The following KCNIP4 variants were observed in gnomAD, a reference collection of about 807,000 sequenced individuals.
KCNIP4 encodes Kv channel-interacting protein 4.
In KCNIP4, 12 loss-of-function variants were observed where a neutral mutation model predicts 34.0. The observed-to-expected ratio is 0.35, with a 90% CI of 0.23 to 0.57. KCNIP4 has a LOEUF of 0.57. KCNIP4 is among the 20% of genes least tolerant of loss of function. The pLI, the probability that KCNIP4 is intolerant of heterozygous loss-of-function variation, is 0.83. For synonymous variants in KCNIP4, 124 were observed against 102.2 expected, an observed-to-expected ratio of 1.21 and a Z score of -1.29; for missense variants, 238 against 311.7, an observed-to-expected ratio of 0.76 and a Z score of 1.78.
At chr4:21,073,025 G>A (rs997779577) in intron 1 of KCNIP4, among the ~76,000 whole-genome samples, 1 of 152,078 alleles carries the variant, frequency 6.6e-6, no homozygotes, top group Non-Finnish European at 1.5e-5. Flanking sequence ...TGGTACAAGT[G>A]CCATGCTGTT....
At chr4:21,646,547 CT>C (rs140613931) in intron 1 of KCNIP4, among the ~76,000 whole-genome samples, 2,714 of 151,780 alleles carry the variant, frequency 0.018, 90 homozygotes, top group African/African-American at 0.062. Context: ...ATCAGATGTT[CT>C]TTTTTTTTCC....
At chr4:21,066,166 ATTC>A (rs1289636038) in intron 1 of KCNIP4, among the ~76,000 whole-genome samples, 3 of 152,082 alleles carry the variant, frequency 2.0e-5, no homozygotes, top group Non-Finnish European at 4.4e-5. Context: ...ATTTTACAGT[ATTC>A]TTCTTATTGT....
chr4:21,029,882 C>T (rs1325760335), intron 1 of KCNIP4, among the ~76,000 whole-genome samples: 1 of 152,170 alleles, frequency 6.6e-6, no homozygotes, highest in East Asian at 1.9e-4. Context: ...TGGTGTTTTA[C>T]TTGAATCCCT....
chr4:21,921,375 T>C (rs947066674), intron 1 of KCNIP4, among the ~76,000 whole-genome samples: 1 of 152,186 alleles, frequency 6.6e-6, no homozygotes, highest in African/African-American at 2.4e-5. Flanking sequence ...TGGGTAATCA[T>C]GTTCTGCCCC....
rs1014429855 is a variant in KCNIP4, at chr4:21,141,870, A to C, written c.62-259161T>G. ...GGAGACAACAGAAAATAACAACAAA[A>C]AAAAAAAACCCTGGCTCAAGTCTGT... On this transcript the variant is annotated intron_variant, in intron 1 of 8. Coordinates refer to ENST00000382152, the MANE Select transcript of KCNIP4 (RefSeq NM_025221.6). 1.7e-4 allele frequency among the ~76,000 whole-genome samples: 26 copies of C among 151,974 alleles called. 1 individual carries two copies. The highest frequency in any genetic ancestry group is 5.5e-4 in the African/African-American group (23 of 41,472).
chr4:21,046,382 C>T (rs1400063125), intron 1 of KCNIP4, among the ~76,000 whole-genome samples: 10 of 152,200 alleles, frequency 6.6e-5, no homozygotes, highest in Non-Finnish European at 1.3e-4. Flanking sequence ...ATGCAATATA[C>T]ATCCTTTTCT....
At chr4:21,638,689 A>C (rs538196689) in intron 1 of KCNIP4, among the ~76,000 whole-genome samples, 1 of 152,296 alleles carries the variant, frequency 6.6e-6, no homozygotes, top group African/African-American at 2.4e-5. Context: ...TTGACAGCCA[A>C]ATAAATCTGC....
intron 1 of KCNIP4, among the ~76,000 whole-genome samples, chr4:21,181,799 C>T (rs556246309): frequency 6.6e-6 from 1 of 152,118 alleles, no homozygotes; most frequent in Non-Finnish European, 1.5e-5. Flanking sequence ...TTCCTTTGGG[C>T]CTTTAACATT....
At chr4:21,307,886 C>T (rs1329399567) in intron 1 of KCNIP4, among the ~76,000 whole-genome samples, 5 of 152,154 alleles carry the variant, frequency 3.3e-5, no homozygotes, top group Non-Finnish European at 4.4e-5. Flanking sequence ...TTCCTGCCCA[C>T]GTGAACAATG....
At chr4:20,947,574 G>GT (rs1732316859) in intron 1 of KCNIP4, among the ~76,000 whole-genome samples, 1 of 152,106 alleles carries the variant, frequency 6.6e-6, no homozygotes, top group Non-Finnish European at 1.5e-5. Flanking sequence ...CTAGTACTTA[G>GT]CCTACTTTAC....
intron 1 of KCNIP4, among the ~76,000 whole-genome samples, chr4:21,060,672 T>G (rs1289422451): frequency 3.9e-5 from 6 of 152,104 alleles, no homozygotes; most frequent in Non-Finnish European, 8.8e-5. Context: ...TAAGAAGTAA[T>G]GGGGACCCTT....
At chr4:20,783,297 AG>A (rs1757024143) in intron 3 of KCNIP4, among the ~76,000 whole-genome samples, 2 of 152,108 alleles carry the variant, frequency 1.3e-5, no homozygotes, top group South Asian at 4.1e-4. Flanking sequence ...CCACATTTTC[AG>A]GTATCTTTTC....
chr4:21,097,994 C>G (rs1747610940), intron 1 of KCNIP4, among the ~76,000 whole-genome samples: 1 of 152,082 alleles, frequency 6.6e-6, no homozygotes, highest in Non-Finnish European at 1.5e-5. Flanking sequence ...GCAAATACAC[C>G]AATGATAAGA....
intron 1 of KCNIP4, among the ~76,000 whole-genome samples, chr4:20,898,878 A>G (rs971295441): frequency 1.3e-5 from 2 of 152,174 alleles, no homozygotes; most frequent in African/African-American, 4.8e-5. Context: ...GGCATTTTAC[A>G]TATGTTATCA....
chr4:21,252,369 G>T (rs186254515), intron 1 of KCNIP4, among the ~76,000 whole-genome samples: 17 of 151,968 alleles, frequency 1.1e-4, no homozygotes, highest in African/African-American at 3.9e-4. Context: ...CTCGTGATCC[G>T]CCCGCCTCGG....
At chr4:21,403,814 A>G (rs1438238970) in intron 1 of KCNIP4, among the ~76,000 whole-genome samples, 2 of 152,158 alleles carry the variant, frequency 1.3e-5, no homozygotes, top group East Asian at 3.9e-4. Context: ...GGAGGGGACA[A>G]ATGCTGTGTC....
chr4:21,684,828 C>T (rs1237866734), intron 1 of KCNIP4, among the ~76,000 whole-genome samples: 1 of 152,124 alleles, frequency 6.6e-6, no homozygotes, highest in Admixed American at 6.6e-5. Context: ...CTCCCCCGAC[C>T]CCATGACAGG....
intron 1 of KCNIP4, among the ~76,000 whole-genome samples, chr4:21,690,516 T>C (rs1023180351): frequency 6.6e-6 from 1 of 152,150 alleles, no homozygotes; most frequent in Admixed American, 6.5e-5. Flanking sequence ...TCCTCTCCTC[T>C]TGCTTCCTGT....
chr4:21,209,008 C>T (rs1757045521), intron 1 of KCNIP4, among the ~76,000 whole-genome samples: 1 of 152,122 alleles, frequency 6.6e-6, no homozygotes, highest in Non-Finnish European at 1.5e-5. Context: ...CAATTACTTC[C>T]ACCTGGTCCC....
Sources: allele counts gnomAD v4.1 joint callset (sites outside exome capture counted in the v4.1 genomes callset), GRCh38; gene constraint gnomAD v4.1.1; transcripts MANE v1.5; gene names NCBI Gene and HGNC (gene_info 2026-07-23, HGNC 2026-07-21).